PTPRD: variants seen among roughly 807,000 people sequenced by gnomAD.
PTPRD encodes protein tyrosine phosphatase receptor type D.
Under a neutral mutation model 214.5 loss-of-function variants are expected in PTPRD, and 34 were observed. That is an observed-to-expected ratio of 0.16 (90% CI 0.12 to 0.21). PTPRD has a LOEUF of 0.21. PTPRD is among the 10% of genes least tolerant of loss of function. The pLI is 1.00. For synonymous variants in PTPRD, 1,128 were observed against 845.7 expected (o/e 1.33, Z -5.79); for missense variants, 2,545 against 2,398.7 (o/e 1.06, Z -1.27).
chr9:10,200,249 A>C (rs1564481841), intron 3 of PTPRD, among the ~76,000 whole-genome samples: 3 of 152,186 alleles, frequency 2.0e-5, no homozygotes, highest in South Asian at 4.1e-4. Flanking sequence ...CTATTTTTTA[A>C]ATCTGTTTCC....
intron 9 of PTPRD, among the ~76,000 whole-genome samples, chr9:9,255,999 C>T (rs181417866): frequency 6.6e-6 from 1 of 152,134 alleles, no homozygotes; most frequent in East Asian, 2.0e-4. Flanking sequence ...TTTGCCAGGG[C>T]AAACACCTTT....
chr9:10,350,014 C>T (rs1454817610), intron 2 of PTPRD, among the ~76,000 whole-genome samples: 3 of 152,202 alleles, frequency 2.0e-5, no homozygotes, highest in African/African-American at 7.2e-5. Flanking sequence ...CCTATCAAGG[C>T]AGCTGGATTG....
Position 10,394,330 on chromosome 9 carries a change from T to C in PTPRD, c.-599-53313A>G, listed in dbSNP as rs931055107. Among the ~76,000 whole-genome samples the C allele has an allele frequency of 4.3e-4, 65 of 150,962 alleles. 1 individual carries two copies. The highest frequency in any genetic ancestry group is 1.2e-4 in the Non-Finnish European group (8 of 67,702). On this transcript the variant is annotated intron_variant, in intron 2 of 45. Transcript: ENST00000381196. ...TTTGAAAACTTGAAATCTAGTTTAG[T>C]AACTTAGATATAATTTAAGGTTTCA... is the stretch of plus-strand genomic sequence containing the variant.
intron 5 of PTPRD, among the ~76,000 whole-genome samples, chr9:9,773,650 A>T (rs754731947): frequency 1.3e-5 from 2 of 152,188 alleles, no homozygotes; most frequent in Non-Finnish European, 2.9e-5. Context: ...CATGATCTCC[A>T]AGTGAGAGTT....
intron 11 of PTPRD, among the ~76,000 whole-genome samples, chr9:8,736,239 G>C (rs1233724032): frequency 6.6e-6 from 1 of 152,136 alleles, no homozygotes; most frequent in African/African-American, 2.4e-5. Context: ...TTCTTCACGT[G>C]TTAAATAATT....
chr9:10,047,337 T>TGTGTGTGC (rs1491445418), intron 3 of PTPRD, among the ~76,000 whole-genome samples: 6 of 144,288 alleles, frequency 4.2e-5, no homozygotes, highest in South Asian at 2.2e-4. Context: ...TGTGTGTGTG[T>TGTGTGTGC]GCGTGTGTGT....
chr9:8,682,178 A>G (rs1051697435), intron 12 of PTPRD, among the ~76,000 whole-genome samples: 2 of 152,218 alleles, frequency 1.3e-5, no homozygotes, highest in Admixed American at 6.5e-5. Context: ...AACATAATAA[A>G]AATGCATTAT....
intron 3 of PTPRD, among the ~76,000 whole-genome samples, chr9:10,090,681 T>A (rs542726481): frequency 4.3e-4 from 64 of 148,028 alleles, no homozygotes; most frequent in African/African-American, 1.5e-3. Flanking sequence ...TGATTTTTTT[T>A]AATGTAGAAA....
At chr9:9,112,929 A>G (rs1048859266) in intron 10 of PTPRD, among the ~76,000 whole-genome samples, 3 of 151,930 alleles carry the variant, frequency 2.0e-5, no homozygotes, top group Admixed American at 1.3e-4. Context: ...TAAGATCACA[A>G]TAGGACAAAC....
rs961128519 is a variant in PTPRD, at chr9:10,419,099, C to T, written c.-599-78082G>A. Among the ~76,000 whole-genome samples the T allele has an allele frequency of 1.2e-4, 18 of 151,964 alleles. 1 individual carries two copies. In the South Asian group the frequency reaches 2.9e-3, roughly 25 times the overall value. ...CCCACCTACACAAAAATTGGTCCCACGTAGGGTCTATGTTTGTTTGAGGAC... is the reference window on the plus strand; with the variant it reads ...CCCACCTACACAAAAATTGGTCCCATGTAGGGTCTATGTTTGTTTGAGGAC... On this transcript the variant is annotated intron_variant, in intron 2 of 45. Coordinates refer to ENST00000381196, the MANE Select transcript of PTPRD (RefSeq NM_002839.4).
At chr9:10,145,285 G>C (rs1466675783) in intron 3 of PTPRD, among the ~76,000 whole-genome samples, 1 of 151,892 alleles carries the variant, frequency 6.6e-6, no homozygotes, top group East Asian at 1.9e-4. Flanking sequence ...TTGTATTGTT[G>C]ACCCTTTAAC....
intron 3 of PTPRD, among the ~76,000 whole-genome samples, chr9:10,310,117 G>T (rs1390262185): frequency 1.3e-5 from 2 of 152,030 alleles, no homozygotes; most frequent in African/African-American, 4.8e-5. Context: ...ACACGAACAA[G>T]AAGCCTTTAT....
intron 5 of PTPRD, among the ~76,000 whole-genome samples, chr9:9,933,781 T>A (rs896201720): frequency 6.7e-6 from 1 of 149,362 alleles, no homozygotes; most frequent in African/African-American, 2.6e-5. Context: ...ATACATTTTT[T>A]TCAGCACCAC....
chr9:9,201,618 T>C (rs1455221813), intron 9 of PTPRD, among the ~76,000 whole-genome samples: 2 of 152,198 alleles, frequency 1.3e-5, no homozygotes, highest in Non-Finnish European at 2.9e-5. Context: ...ATTGAACTTT[T>C]CTAAGCCACT....
At chr9:8,908,687 T>C (rs115392628) in intron 11 of PTPRD, among the ~76,000 whole-genome samples, 2 of 151,280 alleles carry the variant, frequency 1.3e-5, no homozygotes, top group Admixed American at 6.6e-5. Context: ...TAAGAAACTA[T>C]AAAAAGAAGA....
At chr9:9,878,402 G>A (rs1793740209) in intron 5 of PTPRD, among the ~76,000 whole-genome samples, 1 of 152,090 alleles carries the variant, frequency 6.6e-6, no homozygotes, top group Non-Finnish European at 1.5e-5. Flanking sequence ...AGAATTATAG[G>A]GACAGCATAC....
intron 3 of PTPRD, among the ~76,000 whole-genome samples, chr9:10,231,167 T>C (rs1468525916): frequency 5.9e-5 from 9 of 151,978 alleles, no homozygotes; most frequent in African/African-American, 2.2e-4. Flanking sequence ...TGACTCCAAT[T>C]AAGCGTTCAA....
At chr9:10,059,694 T>A (rs778547383) in intron 3 of PTPRD, among the ~76,000 whole-genome samples, 7 of 151,950 alleles carry the variant, frequency 4.6e-5, no homozygotes, top group African/African-American at 1.7e-4. Flanking sequence ...ATTAACAAAT[T>A]ACTACATCTC....
chr9:9,593,227 T>A (rs645202), intron 7 of PTPRD, among the ~76,000 whole-genome samples: 1 of 148,910 alleles, frequency 6.7e-6, no homozygotes, highest in African/African-American at 2.5e-5. Context: ...TTCCCCCCCC[T>A]CAAAGAAAAG....
Sources: allele counts gnomAD v4.1 joint callset (sites outside exome capture counted in the v4.1 genomes callset), GRCh38; gene constraint gnomAD v4.1.1; transcripts MANE v1.5; gene names NCBI Gene and HGNC (gene_info 2026-07-23, HGNC 2026-07-21).